GLIS1: variants seen among roughly 807,000 people sequenced by gnomAD.
The protein encoded by GLIS1 is zinc finger protein GLIS1.
A neutral mutation model predicts 63.8 loss-of-function variants in GLIS1; 24 were observed. That is an observed-to-expected ratio of 0.38 (90% confidence interval 0.27 to 0.53). The LOEUF (loss-of-function observed/expected upper bound fraction) is 0.53. Among genes scored for constraint, GLIS1 ranks in the 20% least tolerant of loss-of-function variants. The probability of loss-of-function intolerance (pLI) is 0.85; values close to 1 mark genes in which losing one functional copy is unlikely to be tolerated. For synonymous variants in GLIS1, 450 were observed against 482.5 expected (o/e 0.93, Z 0.88); for missense variants, 1,036 against 1,074.1 (o/e 0.96, Z 0.50).
At chr1:53,627,917 G>A (rs1438744893) in intron 2 of GLIS1, among the ~76,000 whole-genome samples, 1 of 152,218 alleles carries the variant, frequency 6.6e-6, no homozygotes, top group African/African-American at 2.4e-5. Flanking sequence ...GATGCTCCAA[G>A]ATAGCTTGCT....
At chr1:53,659,274 G>A (rs898546870) in intron 2 of GLIS1, among the ~76,000 whole-genome samples, 1 of 152,156 alleles carries the variant, frequency 6.6e-6, no homozygotes, top group African/African-American at 2.4e-5. Flanking sequence ...GGGCAATTGG[G>A]AACAGGGTCC....
chr1:53,679,110 C>A (rs1282738728), intron 2 of GLIS1, among the ~76,000 whole-genome samples: 1 of 152,054 alleles, frequency 6.6e-6, no homozygotes, highest in East Asian at 1.9e-4. Context: ...GCGGGAAACA[C>A]GGGGGAGCAA....
At chr1:53,591,460 A>C (rs1174615242) in intron 4 of GLIS1, among the ~76,000 whole-genome samples, 1 of 152,256 alleles carries the variant, frequency 6.6e-6, no homozygotes, top group Non-Finnish European at 1.5e-5. Flanking sequence ...CAGTTTGGAA[A>C]GATGTAGGCT....
At chr1:53,692,513 A>G (rs1033462938) in intron 2 of GLIS1, among the ~76,000 whole-genome samples, 1 of 152,256 alleles carries the variant, frequency 6.6e-6, no homozygotes, top group African/African-American at 2.4e-5. Flanking sequence ...GGGTTACAGT[A>G]ACCTTCACCC....
chr1:53,580,965 A>G (rs1328965721), intron 4 of GLIS1, among the ~76,000 whole-genome samples: 1 of 152,060 alleles, frequency 6.6e-6, no homozygotes, highest in Non-Finnish European at 1.5e-5. Flanking sequence ...ATTACTGAGC[A>G]TCTACTATGT....
At chr1:53,668,849 G>A (rs979075806) in intron 2 of GLIS1, among the ~76,000 whole-genome samples, 3 of 152,122 alleles carry the variant, frequency 2.0e-5, no homozygotes, top group African/African-American at 4.8e-5. Flanking sequence ...GTCTCAGAAC[G>A]TATCCACAAC....
chr1:53,636,977 A>C (rs1295382531), intron 2 of GLIS1, among the ~76,000 whole-genome samples: 2 of 152,228 alleles, frequency 1.3e-5, no homozygotes, highest in East Asian at 3.9e-4. Flanking sequence ...CCCCTCACGT[A>C]CAACAGGTCG....
intron 2 of GLIS1, among the ~76,000 whole-genome samples, chr1:53,665,396 A>G (rs773709735): frequency 1.3e-5 from 2 of 152,206 alleles, no homozygotes; most frequent in Non-Finnish European, 1.5e-5. Flanking sequence ...AAAGAGAAGC[A>G]GTGTAAAGTA....
chr1:53,608,989 A>G (rs1645398852), intron 2 of GLIS1, among the ~76,000 whole-genome samples: 1 of 152,210 alleles, frequency 6.6e-6, no homozygotes, highest in Non-Finnish European at 1.5e-5. Context: ...GACAAGGTCA[A>G]TAAAATGAGA....
chr1:53,584,692 T>C (rs1434609478), intron 4 of GLIS1, among the ~76,000 whole-genome samples: 1 of 152,176 alleles, frequency 6.6e-6, no homozygotes, highest in African/African-American at 2.4e-5. Flanking sequence ...GGAAGGACTC[T>C]AAAGAAGGGC....
At chr1:53,545,153 T>C (rs17108709) in intron 4 of GLIS1, among the ~76,000 whole-genome samples, 7,371 of 152,218 alleles carry the variant, frequency 0.048, 584 homozygotes, top group African/African-American at 0.17. Flanking sequence ...ATACCCTAAT[T>C]TGTCTGCATT....
At chr1:53,656,308 T>A (rs12561920) in intron 2 of GLIS1, among the ~76,000 whole-genome samples, 2 of 151,812 alleles carry the variant, frequency 1.3e-5, no homozygotes, top group South Asian at 2.1e-4. Flanking sequence ...CCCTCGCCTC[T>A]CATCAGGAGT....
rs1192328557 is a variant in GLIS1 at position 53,571,534 on chromosome 1, G to A, written c.1320+22574C>T. Among the ~76,000 whole-genome samples the A allele has an allele frequency of 2.0e-5, 3 of 152,194 alleles. No homozygotes were observed. In the East Asian group the frequency reaches 5.8e-4, roughly 29 times the overall value. ...TATTCACAGAATGTAATAGTATACA[G>A]TAGTGAAAATGAATGAATTATAGCT... On this transcript the variant is annotated intron_variant, in intron 4 of 10. Transcript: ENST00000628545.
At chr1:53,645,583 G>A (rs1645835891) in intron 2 of GLIS1, among the ~76,000 whole-genome samples, 1 of 152,188 alleles carries the variant, frequency 6.6e-6, no homozygotes, top group Admixed American at 6.5e-5. Context: ...CCGAGGGGAT[G>A]GCCTGCCCAA....
chr1:53,614,875 C>A (rs1645463737), intron 2 of GLIS1, among the ~76,000 whole-genome samples: 1 of 151,218 alleles, frequency 6.6e-6, no homozygotes, highest in Non-Finnish European at 1.5e-5. Flanking sequence ...CACACTCATA[C>A]ACACTCTCTT....
At chr1:53,562,699 A>G (rs1644904232) in intron 4 of GLIS1, among the ~76,000 whole-genome samples, 1 of 152,114 alleles carries the variant, frequency 6.6e-6, no homozygotes, top group Non-Finnish European at 1.5e-5. Context: ...TATCAACACT[A>G]TTAGAACAAT....
At chr1:53,733,643 C>G (rs1290239451) in intron 2 of GLIS1, among the ~76,000 whole-genome samples, 1 of 152,162 alleles carries the variant, frequency 6.6e-6, no homozygotes, top group Non-Finnish European at 1.5e-5. Context: ...AAAGATTTGT[C>G]GGATACATAA....
At chr1:53,611,571 T>A (rs1645425042) in intron 2 of GLIS1, among the ~76,000 whole-genome samples, 1 of 152,212 alleles carries the variant, frequency 6.6e-6, no homozygotes, top group Non-Finnish European at 1.5e-5. Context: ...AAAATTTTAT[T>A]TTGCTTCTTA....
At chr1:53,622,065 C>T (rs1004358096) in intron 2 of GLIS1, among the ~76,000 whole-genome samples, 7 of 151,932 alleles carry the variant, frequency 4.6e-5, no homozygotes, top group Non-Finnish European at 7.4e-5. Context: ...GGATTACAGA[C>T]GTGCCACTGC....
Sources: gnomAD v4.1 joint callset for allele counts (sites outside exome capture counted in the v4.1 genomes callset) on GRCh38, gnomAD v4.1.1 for gene constraint, MANE v1.5 for transcripts, NCBI Gene and HGNC (gene_info 2026-07-23, HGNC 2026-07-21) for gene names.